CASP8: variants seen among roughly 807,000 people sequenced by gnomAD.
The protein encoded by CASP8 is caspase 8.
CASP8 carries 24 observed loss-of-function variants against 46.3 expected under a neutral mutation model. That is an observed-to-expected ratio of 0.52 (90% CI 0.38 to 0.73). The LOEUF (loss-of-function observed/expected upper bound fraction) is 0.73. CASP8 is among the 30% of genes least tolerant of loss of function. CASP8 has a pLI of 0.00. For synonymous variants in CASP8, 188 were observed against 200.4 expected (o/e 0.94, Z 0.52); for missense variants, 460 against 559.0 (o/e 0.82, Z 1.79).
intron 5 of CASP8, among the ~76,000 whole-genome samples, chr2:201,273,560 C>A (rs1948432247): frequency 6.6e-6 from 1 of 152,232 alleles, no homozygotes; most frequent in Non-Finnish European, 1.5e-5. Flanking sequence ...TCTTTCAACA[C>A]CTTCTACACT....
rs765222744 is a variant in CASP8 at position 201,272,817 on chromosome 2, C to T, written c.550+41C>T. On this transcript the variant is annotated intron_variant, in intron 4 of 8. Transcript: ENST00000673742. This position sits in a 1 kb window ranked among gnomAD's most constrained non-coding sequence, Gnocchi z 4.4. ...CAGCCGGGAATCGGCAAAACCTACT[C>T]TAAAATTGAAACTGACAAATCGCTC... 6.2e-7 allele frequency: 1 copy of T among 1,614,130 alleles called. No homozygotes were observed. The highest frequency in any genetic ancestry group is 8.5e-7 in the Non-Finnish European group (1 of 1,179,964).
chr2:201,257,062 T>C (rs943449119), upstream of CASP8, among the ~76,000 whole-genome samples: 2 of 148,178 alleles, frequency 1.3e-5, no homozygotes, highest in African/African-American at 2.5e-5. Context: ...GGAGAATCGC[T>C]TGAACCCGGG....
chr2:201,285,578 A>G (rs1949519852), intron 8 of CASP8, among the ~76,000 whole-genome samples: 1 of 152,234 alleles, frequency 6.6e-6, no homozygotes, highest in Non-Finnish European at 1.5e-5. Context: ...ATAGATGGAA[A>G]AGCTGAGATG....
At chr2:201,269,038 A>G (rs1206625530) in intron 2 of CASP8, among the ~76,000 whole-genome samples, 1 of 151,608 alleles carries the variant, frequency 6.6e-6, no homozygotes, top group Admixed American at 6.6e-5. Flanking sequence ...TCCTGGGTTC[A>G]AGCAATCCTC....
upstream of CASP8, among the ~76,000 whole-genome samples, chr2:201,255,724 C>T (rs1442178506): frequency 6.6e-6 from 1 of 152,162 alleles, no homozygotes; most frequent in African/African-American, 2.4e-5. Flanking sequence ...ATGTTGTGAG[C>T]TTAAATAACA....
chr2:201,286,855 G>A lies in CASP8; in HGVS notation c.*261G>A, dbSNP rs1949588023. 1.3e-5 allele frequency: 5 copies of A among 398,474 alleles called. No homozygotes were observed. The highest frequency in any genetic ancestry group is 6.4e-5 in the South Asian group (3 of 46,624). 24.7% of individuals were successfully genotyped at this position (398,474 alleles called of 1,614,324 possible). A position where few individuals can be genotyped will look rare whatever the true frequency, so the allele number is the denominator to read the frequency against. On this transcript the variant is annotated 3_prime_UTR_variant, in exon 9 of 9. Transcript: ENST00000673742. The stretch of plus-strand genomic sequence containing the variant: ...AGGGTGGTCTTGATCTCCTGACCTC[G>A]TGATCCACCCACCTCGGCCTCCCAA...
intron 2 of CASP8, among the ~76,000 whole-genome samples, chr2:201,238,007 G>T (rs1031491704): frequency 1.3e-5 from 2 of 152,126 alleles, no homozygotes; most frequent in Non-Finnish European, 2.9e-5. Context: ...GACTGAATGT[G>T]CAAGAAGAAC....
intron 2 of CASP8, among the ~76,000 whole-genome samples, chr2:201,267,452 G>A (rs1383058500): frequency 1.3e-5 from 2 of 152,114 alleles, no homozygotes; most frequent in African/African-American, 4.8e-5. Flanking sequence ...AGTCTCCACC[G>A]AGGCTGCCCA....
chr2:201,269,385 C>A, intron 2 of CASP8: 1 of 671,914 alleles, frequency 1.5e-6, no homozygotes, highest in Non-Finnish European at 2.7e-6. Flanking sequence ...GGTTTACTAG[C>A]ATTGTGAAGT....
rs1452710627 is a variant in CASP8 at position 201,272,284 on chromosome 2, C to G, written c.412-354C>G. On this transcript the variant is annotated intron_variant, in intron 3 of 8. Transcript: ENST00000673742. The surrounding 1 kb of genome is among the most constrained non-coding windows in gnomAD (Gnocchi z 4.4). ...TGTACTCAGGTCTGGAGAGGCAATG[C>G]TGGGGGTGAGGCTGTTCCCCAGGGT... is the stretch of plus-strand genomic sequence containing the variant. 1.3e-5 allele frequency among the ~76,000 whole-genome samples: 2 copies of G among 151,920 alleles called. No homozygotes were observed. The highest frequency in any genetic ancestry group is 2.9e-5 in the Non-Finnish European group (2 of 67,944).
intron 2 of CASP8, among the ~76,000 whole-genome samples, chr2:201,237,620 A>G (rs1469863306): frequency 6.6e-6 from 1 of 152,174 alleles, no homozygotes; most frequent in African/African-American, 2.4e-5. Context: ...TTGTAAATAT[A>G]CAGCTTGGTG....
At chr2:201,243,907 C>T (rs1248042109) in intron 2 of CASP8, among the ~76,000 whole-genome samples, 2 of 152,094 alleles carry the variant, frequency 1.3e-5, no homozygotes, top group South Asian at 2.1e-4. Flanking sequence ...AGTGAAGGGT[C>T]GGGGGGCAGC....
intron 2 of CASP8, among the ~76,000 whole-genome samples, chr2:201,255,488 C>T (rs1012335887): frequency 6.6e-6 from 1 of 152,142 alleles, no homozygotes; most frequent in Non-Finnish European, 1.5e-5. Context: ...CTACCCTGCT[C>T]CCCCCATTCT....
At chr2:201,265,097 A>G (rs1359814375) in intron 1 of CASP8, among the ~76,000 whole-genome samples, 2 of 152,208 alleles carry the variant, frequency 1.3e-5, no homozygotes, top group African/African-American at 4.8e-5. Context: ...CTTTCAGGGA[A>G]TGGAAGGAAA....
At chr2:201,247,167 C>A (rs6707380) in intron 2 of CASP8, among the ~76,000 whole-genome samples, 46 of 120,282 alleles carry the variant, frequency 3.8e-4, no homozygotes, top group African/African-American at 1.4e-3. Context: ...CCAGGCTGGG[C>A]GGCAGAGTGA....
At chr2:201,259,498 T>C (rs1014784543), upstream of CASP8, among the ~76,000 whole-genome samples, 1 of 152,186 alleles carries the variant, frequency 6.6e-6, no homozygotes, top group African/African-American at 2.4e-5. Flanking sequence ...TATGAGGCCA[T>C]CTTGACCTAG....
upstream of CASP8, chr2:201,258,372 G>A: frequency 1.2e-6 from 2 of 1,613,990 alleles, no homozygotes; most frequent in Non-Finnish European, 1.7e-6. Context: ...TGCCAGGAAA[G>A]GGTGGAGCGG....
chr2:201,259,139 T>C (rs541795186), upstream of CASP8, among the ~76,000 whole-genome samples: 2 of 152,138 alleles, frequency 1.3e-5, no homozygotes, highest in Non-Finnish European at 2.9e-5. Flanking sequence ...ATACTATTGG[T>C]ATTTTATTTT....
chr2:201,274,046 A>C lies in CASP8; in HGVS notation c.596-843A>C, dbSNP rs550105296. Among the ~76,000 whole-genome samples, 587 of 152,334 alleles carry C rather than the reference A, an allele frequency of 3.9e-3. 5 individuals are homozygous for C. Among genetic ancestry groups the C allele is most frequent in the African/African-American group, 0.014 (569 of 41,572 alleles). ...GAGAAATTTTTACAAGTCCAAGAAC[A>C]CCATCACTCCATTCATATTATGAAT... On this transcript the variant is annotated intron_variant, in intron 5 of 8. Coordinates refer to ENST00000673742, the MANE Select transcript of CASP8 (RefSeq NM_001372051.1).
Sources: allele counts gnomAD v4.1 joint callset (sites outside exome capture counted in the v4.1 genomes callset), GRCh38; gene constraint gnomAD v4.1.1; non-coding constraint Gnocchi (gnomAD v3.1); transcripts MANE v1.5; gene names NCBI Gene and HGNC (gene_info 2026-07-23, HGNC 2026-07-21).